The following EML6 variants were observed in gnomAD, a reference collection of about 807,000 sequenced individuals.
EML6 encodes echinoderm microtubule-associated protein-like 6.
EML6 carries 154 observed loss-of-function variants against 240.1 expected under a neutral mutation model. The observed-to-expected ratio is 0.64, with a 90% CI of 0.56 to 0.73. The LOEUF is 0.73. Among genes scored for constraint, EML6 ranks in the 30% least tolerant of loss-of-function variants. The pLI, the probability that EML6 is intolerant of heterozygous loss-of-function variation, is 0.00. For missense variants in EML6, 2,964 were observed against 2,474.6 expected (o/e 1.20, Z -4.20); for synonymous variants, 1,148 against 899.0 (o/e 1.28, Z -4.95).
At chr2:54,957,419 T>G (rs1459177944) in intron 32 of EML6, among the ~76,000 whole-genome samples, 2 of 149,862 alleles carry the variant, frequency 1.3e-5, no homozygotes, top group Non-Finnish European at 3.0e-5. Flanking sequence ...GGAGCGGCTC[T>G]GTCATCCTGT....
chr2:54,729,728 T>C (rs1379034411), intron 2 of EML6, among the ~76,000 whole-genome samples: 1 of 152,232 alleles, frequency 6.6e-6, no homozygotes, highest in African/African-American at 2.4e-5. Context: ...CAGAAGGTAG[T>C]AGATTGTTGC....
chr2:54,943,046 C>T (rs1490223448), intron 28 of EML6, among the ~76,000 whole-genome samples: 3 of 152,176 alleles, frequency 2.0e-5, no homozygotes, highest in Non-Finnish European at 4.4e-5. Flanking sequence ...GGCTGCTGCA[C>T]ATGGCCCTCC....
Position 54,779,981 on chromosome 2 carries a change from TC to T in EML6, c.198-33250del, listed in dbSNP as rs200575451. Among the ~76,000 whole-genome samples, 92 of 152,106 alleles carry T rather than the reference TC, an allele frequency of 6.0e-4. 2 individuals carry two copies. The East Asian group carries it at 0.016, about 27-fold the overall frequency. On this transcript the variant is annotated intron_variant, in intron 2 of 41. Transcript: ENST00000356458. ...GTGGAACAAGATGATTGTAAAACCT[TC>T]AAATGATACGGAAATGTACAATAAT...
Position 54,820,451 on chromosome 2 carries a change from A to G in EML6, c.514A>G (p.Lys172Glu). The G allele has an allele frequency of 6.5e-7, 1 of 1,544,816 alleles. No homozygotes were observed. ...AAACAGAGTGGTTAGCTGTGGAGTA[A>G]AACACATAAAGGTAAAGCTTTTTGT... ...QPNRVVSCGVKHIKFWTLCGN... is the reference protein window; with the variant it reads ...QPNRVVSCGVEHIKFWTLCGN... The change falls in exon 5 of 42, where the codon AAA (lysine) becomes GAA (glutamate). Residue 172 changes from lysine (K) to glutamate (E), a missense_variant. By Grantham distance (56) the Lys-to-Glu change is moderately conservative. Transcript: ENST00000356458.
At chr2:54,907,241 T>C (rs1421738500) in intron 24 of EML6, among the ~76,000 whole-genome samples, 2 of 152,234 alleles carry the variant, frequency 1.3e-5, no homozygotes, top group Non-Finnish European at 2.9e-5. Flanking sequence ...CTGGGTGCGG[T>C]GGCTCACACC....
intron 26 of EML6, among the ~76,000 whole-genome samples, chr2:54,921,895 C>G (rs987663080): frequency 1.6e-4 from 25 of 152,102 alleles, no homozygotes; most frequent in African/African-American, 6.0e-4. Flanking sequence ...TGAATTTGGA[C>G]TTTATCTCAC....
chr2:54,949,490 A>C (rs1675864484), intron 29 of EML6, among the ~76,000 whole-genome samples: 1 of 152,164 alleles, frequency 6.6e-6, no homozygotes, highest in Admixed American at 6.5e-5. Flanking sequence ...CCCAAGCCCA[A>C]GATCACCAAG....
chr2:54,961,919 G>A (rs1014612675), intron 35 of EML6, among the ~76,000 whole-genome samples: 2 of 151,428 alleles, frequency 1.3e-5, no homozygotes, highest in African/African-American at 4.8e-5. Context: ...CAGGAGAATC[G>A]CTTGAACCCA....
At chr2:54,896,098 C>A (rs1276653390) in intron 21 of EML6, among the ~76,000 whole-genome samples, 1 of 152,150 alleles carries the variant, frequency 6.6e-6, no homozygotes, top group Non-Finnish European at 1.5e-5. Context: ...CTCTGGCCAC[C>A]AGTTATTCAT....
chr2:54,768,419 A>G (rs1364874798), intron 2 of EML6, among the ~76,000 whole-genome samples: 1 of 152,192 alleles, frequency 6.6e-6, no homozygotes. Context: ...TTTCTTCCCA[A>G]TATGATATGA....
intron 2 of EML6, among the ~76,000 whole-genome samples, chr2:54,744,117 C>A: frequency 7.5e-6 from 1 of 133,062 alleles, no homozygotes; most frequent in Non-Finnish European, 1.6e-5. Context: ...GTAGTTGGGC[C>A]AGAGGAGAGT....
chr2:54,772,767 G>A (rs542485410), intron 2 of EML6, among the ~76,000 whole-genome samples: 1 of 152,346 alleles, frequency 6.6e-6, no homozygotes, highest in African/African-American at 2.4e-5. Context: ...TTCCTCTGCA[G>A]AGACCATGTG....
intron 2 of EML6, among the ~76,000 whole-genome samples, chr2:54,778,799 G>A (rs1020980890): frequency 6.6e-6 from 1 of 150,754 alleles, no homozygotes; most frequent in African/African-American, 2.5e-5. Flanking sequence ...GGCTGAGGCA[G>A]GAGAATGGCA....
intron 18 of EML6, among the ~76,000 whole-genome samples, chr2:54,892,132 A>G (rs1010521256): frequency 6.6e-6 from 1 of 152,160 alleles, no homozygotes; most frequent in Non-Finnish European, 1.5e-5. Flanking sequence ...AGTTAGACGC[A>G]TGTCTTGGAC....
intron 12 of EML6, among the ~76,000 whole-genome samples, chr2:54,861,980 C>G (rs989655252): frequency 1.3e-5 from 2 of 152,174 alleles, no homozygotes; most frequent in African/African-American, 4.8e-5. Context: ...AAATTGAGAA[C>G]TTTAGAGATA....
intron 5 of EML6, 59 bp from the exon 6 acceptor site, chr2:54,827,507 C>G: frequency 7.4e-7 from 1 of 1,347,972 alleles, no homozygotes; most frequent in Non-Finnish European, 1.0e-6. Context: ...TAAATAAACA[C>G]CAATGCAATA....
chr2:54,771,533 C>T (rs1668400822), intron 2 of EML6, among the ~76,000 whole-genome samples: 1 of 152,230 alleles, frequency 6.6e-6, no homozygotes, highest in East Asian at 1.9e-4. Context: ...ATGCAGGAAA[C>T]TCTGGATGTG....
chr2:54,749,914 A>G (rs1006512585), intron 2 of EML6, among the ~76,000 whole-genome samples: 7 of 152,220 alleles, frequency 4.6e-5, no homozygotes, highest in Non-Finnish European at 1.0e-4. Flanking sequence ...AACTCCCATC[A>G]CGGTATGTCC....
At chr2:54,882,150 A>G (rs893747840) in intron 17 of EML6, 2 of 152,360 alleles carry the variant, frequency 1.3e-5, no homozygotes, top group African/African-American at 4.8e-5. Flanking sequence ...CAAGATACTC[A>G]AGATTTTATT....
Sources: allele counts gnomAD v4.1 joint callset (sites outside exome capture counted in the v4.1 genomes callset), GRCh38; gene constraint gnomAD v4.1.1; transcripts MANE v1.5; gene names NCBI Gene and HGNC (gene_info 2026-07-23, HGNC 2026-07-21).